RNF10: variants seen among roughly 807,000 people sequenced by gnomAD.
RNF10 encodes the protein ring finger protein 10, also known as E3 ubiquitin-protein ligase RNF10.
Under a neutral mutation model 91.4 loss-of-function variants are expected in RNF10, and 38 were observed. The ratio of observed to expected loss-of-function variants is 0.42; its 90% confidence interval spans 0.32 to 0.54. The LOEUF (loss-of-function observed/expected upper bound fraction) is 0.54. RNF10 is among the 20% of genes least tolerant of loss of function. The pLI is 0.16. For missense variants in RNF10, 945 were observed against 1,012.0 expected (o/e 0.93, Z 0.90); for synonymous variants, 364 against 366.3 (o/e 0.99, Z 0.07).
intron 14 of RNF10, 89 bp from the exon 15 acceptor site, chr12:120,575,542 G>C (rs891421087): frequency 6.4e-6 from 9 of 1,397,806 alleles, no homozygotes; most frequent in Middle Eastern, 1.8e-4. Context: ...AGTTGGTTCT[G>C]TGCCTCTCCA....
intron 1 of RNF10, among the ~76,000 whole-genome samples, chr12:120,544,056 C>T (rs570736393): frequency 2.6e-5 from 4 of 151,812 alleles, no homozygotes; most frequent in East Asian, 2.0e-4. Flanking sequence ...GGCGAAACTC[C>T]ATCTCTACTA....
At chr12:120,560,025 CTG>C (rs1874607073) in intron 6 of RNF10, among the ~76,000 whole-genome samples, 1 of 152,034 alleles carries the variant, frequency 6.6e-6, no homozygotes, top group Admixed American at 6.6e-5. Context: ...AGCAATCTTC[CTG>C]TCTTGGCCTC....
chr12:120,535,069 TC>T (rs1168058620), intron 1 of RNF10, 101 bp downstream of exon 1: 32 of 1,280,742 alleles, frequency 2.5e-5, no homozygotes, highest in Non-Finnish European at 3.2e-5. Flanking sequence ...GGCTCCACTT[TC>T]TTTTATAGCT....
intron 2 of RNF10, among the ~76,000 whole-genome samples, chr12:120,547,816 G>T (rs1216971030): frequency 1.3e-5 from 2 of 152,182 alleles, no homozygotes; most frequent in Admixed American, 1.3e-4. Context: ...CCATTGAAAG[G>T]TTTAAGGAGA....
At position 120,560,833 on chromosome 12, in the gene RNF10, G is replaced by C. The variant is rs745498276; in HGVS notation, c.1075G>C (p.Glu359Gln). ...AGCACTAGAGCAGCAGCTGGCAGAG[G>C]AGAAGCACACTCCCGAGTCCTGCTT... ...KVALEQQLAE[E>Q]KHTPESCFIE... Residue 359 changes from glutamate to glutamine, a missense_variant, in exon 7 of 17, where the codon GAG (glutamate) becomes CAG (glutamine). Coordinates refer to ENST00000325954, the MANE Select transcript of RNF10 (RefSeq NM_014868.5). 1.2e-6 allele frequency: 2 copies of C among 1,614,154 alleles called. No individual in the cohort carries two copies. Among genetic ancestry groups the C allele is most frequent in the Non-Finnish European group, 1.7e-6 (2 of 1,180,032 alleles).
At chr12:120,571,067 C>CTT (rs1243524864) in intron 13 of RNF10, 124 bp from the exon 14 acceptor site, 453 of 527,726 alleles carry the variant, frequency 8.6e-4, no homozygotes, top group Admixed American at 1.3e-3. Context: ...TCAATGTTTG[C>CTT]TTTTTTTTTT....
At position 120,562,267 on chromosome 12, in the gene RNF10, C is replaced by CTTTTT. The variant is rs1174061958; in HGVS notation, c.1129-675_1129-674insTTTTT. On this transcript the variant is annotated intron_variant, in intron 7 of 16. Transcript: ENST00000325954. ...CGATATTTGGTTTTTCTTTTTCTTT[C>CTTTTT]TTTCTTTTTTTTTTTTTTTTTTTTG... Among the ~76,000 whole-genome samples, 69 of 102,200 alleles carry CTTTTT rather than the reference C, an allele frequency of 6.8e-4. 2 individuals carry two copies. Among genetic ancestry groups the CTTTTT allele is most frequent in the East Asian group, 1.3e-3 (4 of 3,156 alleles). The allele number at this position is 102,200 out of a possible 152,430, so 67.0% of individuals were successfully genotyped here.
chr12:120,556,361 C>T (rs7956884), intron 4 of RNF10, among the ~76,000 whole-genome samples: 3,816 of 150,364 alleles, frequency 0.025, 168 homozygotes, highest in African/African-American at 0.088. Flanking sequence ...GGTGAAACCC[C>T]GTCTCTACTA....
chr12:120,567,338 A>AG, intron 13 of RNF10, among the ~76,000 whole-genome samples: 1 of 151,772 alleles, frequency 6.6e-6, no homozygotes, highest in East Asian at 1.9e-4. Flanking sequence ...AATAGCTCAA[A>AG]AAAAAAAAAC....
intron 14 of RNF10, 62 bp downstream of exon 14, chr12:120,571,353 T>C: frequency 8.7e-7 from 1 of 1,154,448 alleles, no homozygotes; most frequent in Non-Finnish European, 1.3e-6. Context: ...TGCTCATTAT[T>C]ATGGGAACCT....
At chr12:120,564,872 C>T (rs1242771651) in intron 10 of RNF10, among the ~76,000 whole-genome samples, 200 bp from the exon 11 acceptor site, 1 of 152,166 alleles carries the variant, frequency 6.6e-6, no homozygotes, top group Non-Finnish European at 1.5e-5. Flanking sequence ...CCAAAAATAA[C>T]TGGATTTGGT....
At chr12:120,544,184 G>A (rs770686714) in intron 1 of RNF10, among the ~76,000 whole-genome samples, 2 of 151,998 alleles carry the variant, frequency 1.3e-5, no homozygotes, top group South Asian at 4.2e-4. Context: ...CCGAGATTGC[G>A]CCACTGCACT....
In RNF10 at chr12:120,562,960, C is replaced by T. The variant is rs371485318; in HGVS notation, c.1144C>T (p.Leu382=). 4.3e-6 allele frequency: 7 copies of T among 1,613,946 alleles called. No individual in the cohort carries two copies. In the African/African-American group the frequency reaches 8.0e-5, roughly 18 times the overall value. ...GCCACGTTAGACTCGGGAAGAGGCT[C>T]TGTCGGGATTGGCCGGAAGCAGAAG... ...IQELKTREEA[L]SGLAGSRREV... is the part of the protein sequence containing the mutation. Residue 382 remains leucine (L), a synonymous_variant, in exon 8 of 17, where the codon CTG becomes TTG. Coordinates refer to ENST00000325954, the MANE Select transcript of RNF10 (RefSeq NM_014868.5).
intron 14 of RNF10, among the ~76,000 whole-genome samples, chr12:120,573,525 G>A (rs1328461315): frequency 6.6e-6 from 1 of 151,926 alleles, no homozygotes; most frequent in East Asian, 1.9e-4. Flanking sequence ...CAAACTATTT[G>A]GATACTGTCT....
chr12:120,535,398 A>C (rs1230232087), intron 1 of RNF10: 2 of 153,226 alleles, frequency 1.3e-5, no homozygotes, highest in African/African-American at 4.8e-5. Context: ...AGGACCTTTC[A>C]AACTCAGATC....
At chr12:120,556,486 G>A (rs1465105787) in intron 4 of RNF10, among the ~76,000 whole-genome samples, 2 of 131,460 alleles carry the variant, frequency 1.5e-5, no homozygotes, top group Non-Finnish European at 1.5e-5. Context: ...AGCCGAGATG[G>A]CGCCACTGCA....
intron 1 of RNF10, 102 bp downstream of exon 1, chr12:120,535,070 C>T: frequency 8.0e-7 from 1 of 1,255,656 alleles, no homozygotes; most frequent in Non-Finnish European, 1.1e-6. Context: ...GCTCCACTTT[C>T]TTTTATAGCT....
At position 120,563,807 on chromosome 12, in the gene RNF10, C is replaced by T; in HGVS notation, c.1532-3C>T. On this transcript the variant is annotated splice_region_variant and splice_polypyrimidine_tract_variant and intron_variant, in intron 9 of 16. Transcript: ENST00000325954. ...GGTGTGTGATAGAGCCCCTTGTCCT[C>T]AGCGGAAGATGGACAGCATATGTTC... is the stretch of plus-strand genomic sequence containing the variant. 1.2e-6 allele frequency: 2 copies of T among 1,613,982 alleles called. No homozygotes were observed. The highest frequency in any genetic ancestry group is 1.3e-5 in the African/African-American group (1 of 75,020).
intron 14 of RNF10, chr12:120,574,708 C>T (rs1323798601): frequency 5.8e-6 from 2 of 344,672 alleles, no homozygotes; most frequent in Non-Finnish European, 5.7e-6. Context: ...GGCAGATCAC[C>T]TGAGGTCAGG....
Sources: allele counts gnomAD v4.1 joint callset (sites outside exome capture counted in the v4.1 genomes callset), GRCh38; gene constraint gnomAD v4.1.1; transcripts MANE v1.5; gene names NCBI Gene and HGNC (gene_info 2026-07-23, HGNC 2026-07-21).